The following UBE3A variants were observed in gnomAD, a reference collection of about 807,000 sequenced individuals.
The protein encoded by UBE3A is ubiquitin-protein ligase E3A.
UBE3A carries 6 observed loss-of-function variants against 83.4 expected under a neutral mutation model. The ratio of observed to expected loss-of-function variants is 0.07; its 90% CI spans 0.04 to 0.14. The LOEUF is 0.14. Among genes scored for constraint, UBE3A ranks in the 10% least tolerant of loss-of-function variants. The probability of loss-of-function intolerance (pLI) is 1.00; values close to 1 mark genes in which losing one functional copy is unlikely to be tolerated. For missense variants in UBE3A, 456 were observed against 1,036.1 expected, an observed-to-expected ratio of 0.44 and a Z score of 7.69; for synonymous variants, 337 against 355.4, an observed-to-expected ratio of 0.95 and a Z score of 0.58.
chr15:25,372,456 G>A (rs1398881829), intron 5 of UBE3A, among the ~76,000 whole-genome samples: 1 of 152,192 alleles, frequency 6.6e-6, no homozygotes, highest in Non-Finnish European at 1.5e-5. Context: ...ATCTCATAGA[G>A]TGACAGAAAA....
Position 25,339,119 on chromosome 15 carries a change from A to ATTTTGTTTTG in UBE3A, c.*8_*17dup. 1 of 1,429,774 alleles carries ATTTTGTTTTG rather than the reference A, an allele frequency of 7.0e-7. No homozygotes were observed. Among genetic ancestry groups the ATTTTGTTTTG allele is most frequent in the Non-Finnish European group, 9.2e-7 (1 of 1,089,384 alleles). The allele number at this position is 1,429,774 out of a possible 1,614,324, so 88.6% of individuals were successfully genotyped here. A position where few individuals can be genotyped will look rare whatever the true frequency, so the allele number is the denominator to read the frequency against. ...TTTTTTCCTTCCTTTTTTTTGTTTT[A>ATTTTGTTTTG]TTTTGTTTTGTTTTGTTTTACAGCA... On this transcript the variant is annotated 3_prime_UTR_variant, in exon 13 of 13. Transcript: ENST00000648336.
chr15:25,372,598 CT>C, intron 5 of UBE3A, among the ~76,000 whole-genome samples: 1 of 152,186 alleles, frequency 6.6e-6, no homozygotes, highest in East Asian at 1.9e-4. Context: ...CATTTCCCAA[CT>C]TTTTGAGATA....
chr15:25,422,525 T>A (rs1161083161), intron 1 of UBE3A, among the ~76,000 whole-genome samples: 1 of 151,884 alleles, frequency 6.6e-6, no homozygotes, highest in African/African-American at 2.4e-5. Context: ...GCTACCCAAG[T>A]GGAAGAAAAT....
At chr15:25,399,533 TC>T (rs1294904865) in intron 4 of UBE3A, among the ~76,000 whole-genome samples, 2 of 152,138 alleles carry the variant, frequency 1.3e-5, no homozygotes, top group Non-Finnish European at 2.9e-5. Flanking sequence ...TTCTGTGCTC[TC>T]CATTCTGTTT....
At chr15:25,381,668 G>C (rs190699054) in intron 4 of UBE3A, among the ~76,000 whole-genome samples, 2 of 152,268 alleles carry the variant, frequency 1.3e-5, no homozygotes, top group Admixed American at 1.3e-4. Context: ...GTAATTTCTC[G>C]TAAGTGGAGT....
At chr15:25,366,783 G>GCA (rs965580989) in intron 6 of UBE3A, among the ~76,000 whole-genome samples, 7 of 151,562 alleles carry the variant, frequency 4.6e-5, no homozygotes, top group Non-Finnish European at 1.5e-5. Context: ...AAACACACAT[G>GCA]CACACACACC....
chr15:25,396,710 T>G (rs2085658050), intron 4 of UBE3A, among the ~76,000 whole-genome samples: 1 of 152,184 alleles, frequency 6.6e-6, no homozygotes, highest in African/African-American at 2.4e-5. Flanking sequence ...TCTGGGTTAT[T>G]GCATTAGTTC....
At chr15:25,433,286 C>T (rs150721994) in intron 1 of UBE3A, among the ~76,000 whole-genome samples, 2 of 151,356 alleles carry the variant, frequency 1.3e-5, no homozygotes, top group Admixed American at 6.6e-5. Flanking sequence ...CGTGTTCAAG[C>T]GTTTCCCCTG....
chr15:25,424,159 T>C (rs1333602523), intron 1 of UBE3A, among the ~76,000 whole-genome samples: 2 of 152,250 alleles, frequency 1.3e-5, no homozygotes, highest in Non-Finnish European at 2.9e-5. Context: ...ATGATCAAAA[T>C]ATCTGTACCC....
intron 1 of UBE3A, chr15:25,418,963 T>C (rs938028904): frequency 6.6e-6 from 1 of 152,178 alleles, no homozygotes; most frequent in African/African-American, 2.4e-5. Flanking sequence ...TATTTGCATA[T>C]AACCTACATG....
At chr15:25,364,646 T>TG (rs1281021917) in intron 6 of UBE3A, among the ~76,000 whole-genome samples, 2,423 of 80,574 alleles carry the variant, frequency 0.03, 61 homozygotes, top group African/African-American at 0.11. Context: ...TTTTTGTTTG[T>TG]TTTTTTTTTT....
At chr15:25,341,074 ATTT>A (rs559324409) in intron 11 of UBE3A, among the ~76,000 whole-genome samples, 3 of 148,094 alleles carry the variant, frequency 2.0e-5, no homozygotes, top group Non-Finnish European at 1.5e-5. Flanking sequence ...AGCTAAATAA[ATTT>A]TTTTTTTTTT....
intron 4 of UBE3A, 60 bp from the exon 5 acceptor site, chr15:25,375,823 CA>C: frequency 1.3e-6 from 2 of 1,588,494 alleles, no homozygotes; most frequent in African/African-American, 2.7e-5. Flanking sequence ...GTACAAAGCT[CA>C]ACATATCATC....
At position 25,356,716 on chromosome 15, in the gene UBE3A, A is replaced by G; in HGVS notation, c.1934T>C (p.Phe645Ser). 1 of 1,613,452 alleles carries G rather than the reference A, an allele frequency of 6.2e-7. No homozygotes were observed. Among genetic ancestry groups the G allele is most frequent in the Non-Finnish European group, 8.5e-7 (1 of 1,179,880 alleles). ...YRKLMGKKGTFRDLGDSHPVL... is the reference protein window; with the variant it reads ...YRKLMGKKGTSRDLGDSHPVL... ...TGGGTGAGAGTCTCCCAAGTCACGA[A>G]AAGTTCCTTTTTTCCCCATTAGCTT... Residue 645 changes from phenylalanine (F) to serine (S), a missense_variant, in exon 8 of 13, where the codon TTT becomes TCT. Physicochemically the swap from Phe to Ser is radical, Grantham distance 155. This residue lies in a region of UBE3A where 18 missense variants were observed against 17.6 expected (regional missense o/e 1.02). Transcript: ENST00000648336.
rs2076690032 is a variant in UBE3A at position 25,352,755 on chromosome 15, AT to A, written c.2354+1597del. Among the ~76,000 whole-genome samples, 3 of 152,230 alleles carry A rather than the reference AT, an allele frequency of 2.0e-5. No individual in the cohort carries two copies. In the South Asian group the frequency reaches 6.2e-4, roughly 31 times the overall value. ...TATTTAATGAATTAATATTTTCATC[AT>A]ATTTATATTGAGAAAATTAAGAAGC... On this transcript the variant is annotated intron_variant, in intron 11 of 12. Coordinates refer to ENST00000648336, the MANE Select transcript of UBE3A (RefSeq NM_130839.5).
chr15:25,365,621 G>A (rs1274360608), intron 6 of UBE3A, among the ~76,000 whole-genome samples: 1 of 151,818 alleles, frequency 6.6e-6, no homozygotes, highest in Non-Finnish European at 1.5e-5. Flanking sequence ...GGTGGCAGGC[G>A]CCTGTAGTCC....
Position 25,375,525 on chromosome 15 carries a change from G to A in UBE3A, c.301C>T (p.Pro101Ser), listed in dbSNP as rs2081070652. The change falls in exon 5 of 13, where the codon CCC becomes TCC. Residue 101 changes from proline (P) to serine (S), a missense_variant. Physicochemically the swap from Pro to Ser is moderately conservative, Grantham distance 74. Coordinates refer to ENST00000648336, the MANE Select transcript of UBE3A (RefSeq NM_130839.5). ...SAYLENSKGA[P>S]NNSCSEIKMN... ...TTTATCTCAGAGCAGGAGTTGTTGG[G>A]GGCACCTTTCGAGTTCTCAAGGTAA... 1 of 1,614,082 alleles carries A rather than the reference G, an allele frequency of 6.2e-7. No homozygotes were observed.
intron 3 of UBE3A, chr15:25,407,034 C>T: frequency 1.5e-6 from 2 of 1,328,026 alleles, no homozygotes; most frequent in Non-Finnish European, 2.0e-6. Context: ...ACCCTCTCCC[C>T]CAGGGAGCAA....
intron 1 of UBE3A, among the ~76,000 whole-genome samples, chr15:25,414,929 C>T (rs889038728): frequency 1.1e-4 from 17 of 152,174 alleles, no homozygotes; most frequent in African/African-American, 4.1e-4. Context: ...TGCTTTTATA[C>T]TTCCAGTGCT....
Sources: allele counts gnomAD v4.1 joint callset (sites outside exome capture counted in the v4.1 genomes callset), GRCh38; gene constraint gnomAD v4.1.1; regional missense constraint gnomAD v4.1.1; transcripts MANE v1.5; gene names NCBI Gene and HGNC (gene_info 2026-07-23, HGNC 2026-07-21).